PARP8: variants seen among roughly 807,000 people sequenced by gnomAD.
PARP8 encodes the protein protein mono-ADP-ribosyltransferase PARP8.
A neutral mutation model predicts 124.1 loss-of-function variants in PARP8; 51 were observed. That is an observed-to-expected ratio of 0.41 (90% CI 0.33 to 0.52). The LOEUF is 0.52. PARP8 is among the 20% of genes least tolerant of loss of function. The pLI, the probability that PARP8 is intolerant of heterozygous loss-of-function variation, is 0.21. For missense variants in PARP8, 860 were observed against 1,018.9 expected (o/e 0.84, Z 2.12); for synonymous variants, 391 against 361.5 (o/e 1.08, Z -0.93).
At chr5:50,828,270 A>G (rs759967126) in intron 20 of PARP8, 42 bp from the exon 21 acceptor site, 11 of 1,560,180 alleles carry the variant, frequency 7.1e-6, no homozygotes, top group Non-Finnish European at 9.7e-6. Context: ...GAAGATAATT[A>G]ATTTTCTGGT....
intron 22 of PARP8, among the ~76,000 whole-genome samples, chr5:50,831,881 A>C (rs1357602540): frequency 6.6e-6 from 1 of 152,206 alleles, no homozygotes; most frequent in Non-Finnish European, 1.5e-5. Context: ...GAATCACTAC[A>C]GTAAGATGAC....
At chr5:50,749,221 A>G (rs1331598021) in intron 2 of PARP8, among the ~76,000 whole-genome samples, 4 of 152,156 alleles carry the variant, frequency 2.6e-5, no homozygotes, top group South Asian at 2.1e-4. Flanking sequence ...TCTGTCTTCT[A>G]TATGTTCCTT....
chr5:50,781,436 G>A (rs1050681780), intron 9 of PARP8, among the ~76,000 whole-genome samples: 1 of 152,154 alleles, frequency 6.6e-6, no homozygotes, highest in African/African-American at 2.4e-5. Context: ...TTGGAAATTA[G>A]TGTGATGTGT....
At chr5:50,826,608 A>G in intron 18 of PARP8, 147 bp from the exon 19 acceptor site, 1 of 1,038,054 alleles carries the variant, frequency 9.6e-7, no homozygotes. Context: ...TTCAGGAAAC[A>G]AACCTAAATT....
At chr5:50,747,163 G>GTTTTTTTTTTTTTTTTTTTTTTTTTCTTT (rs1211253892) in intron 2 of PARP8, among the ~76,000 whole-genome samples, 1 of 95,504 alleles carries the variant, frequency 1.0e-5, no homozygotes, top group Non-Finnish European at 2.0e-5. Context: ...TGTTTGTTTT[G>GTTTTTTTTTTTTTTTTTTTTTTTTTCTTT]TTTTTTTTTT....
chr5:50,748,216 T>A (rs1423641960), intron 2 of PARP8, among the ~76,000 whole-genome samples: 1 of 149,812 alleles, frequency 6.7e-6, no homozygotes, highest in Admixed American at 6.7e-5. Flanking sequence ...TGTGTGTACA[T>A]GCTATAGGGA....
intron 2 of PARP8, among the ~76,000 whole-genome samples, chr5:50,708,168 A>T (rs1317778953): frequency 6.6e-6 from 1 of 152,056 alleles, no homozygotes. Flanking sequence ...TAATTTTCCT[A>T]AATAGTCTAA....
chr5:50,800,973 G>T (rs570322125), intron 14 of PARP8, among the ~76,000 whole-genome samples: 1 of 151,718 alleles, frequency 6.6e-6, no homozygotes, highest in Admixed American at 6.6e-5. Context: ...GCCAAGGCTG[G>T]TCTTGAACTC....
chr5:50,744,585 G>A (rs948236892), intron 2 of PARP8: 48 of 498,320 alleles, frequency 9.6e-5, no homozygotes, highest in African/African-American at 9.1e-4. Context: ...TTTCAAAGTT[G>A]TGACTTTAAG....
intron 2 of PARP8, among the ~76,000 whole-genome samples, chr5:50,737,038 C>T (rs1307560621): frequency 2.6e-5 from 4 of 152,078 alleles, no homozygotes; most frequent in African/African-American, 9.7e-5. Flanking sequence ...AAACTCTCTC[C>T]ACCTGATTTT....
chr5:50,692,985 C>A (rs1752653729), intron 2 of PARP8, among the ~76,000 whole-genome samples: 1 of 152,014 alleles, frequency 6.6e-6, no homozygotes, highest in East Asian at 1.9e-4. Context: ...GAAAGGAGTT[C>A]TTAAAATTTT....
chr5:50,774,337 C>T lies in PARP8; in HGVS notation c.519-3732C>T, dbSNP rs188418128. ...CACCATCGTCATCATGGCCCGTTCT[C>T]GATGGTCACTGTCTCTTCGGAGCTG... On this transcript the variant is annotated intron_variant, in intron 7 of 25. Transcript: ENST00000281631. Among the ~76,000 whole-genome samples the T allele has an allele frequency of 3.1e-3, 479 of 152,274 alleles. 1 individual carries two copies. Among genetic ancestry groups the T allele is most frequent in the Non-Finnish European group, 5.3e-3 (359 of 68,026 alleles).
chr5:50,723,181 ATT>A (rs1393563644), intron 2 of PARP8, among the ~76,000 whole-genome samples: 1 of 152,142 alleles, frequency 6.6e-6, no homozygotes, highest in East Asian at 1.9e-4. Flanking sequence ...TGAATGATAA[ATT>A]TTTGATAAAT....
chr5:50,712,915 T>C (rs1754921767), intron 2 of PARP8, among the ~76,000 whole-genome samples: 1 of 151,828 alleles, frequency 6.6e-6, no homozygotes, highest in Non-Finnish European at 1.5e-5. Context: ...TTTTTATTTA[T>C]GTTAGTGGCA....
At chr5:50,809,716 T>TA (rs1437232369) in intron 14 of PARP8, among the ~76,000 whole-genome samples, 1 of 152,052 alleles carries the variant, frequency 6.6e-6, no homozygotes, top group East Asian at 1.9e-4. Context: ...TTATCTGTTT[T>TA]GTATATTGGA....
At position 50,753,184 on chromosome 5, in the gene PARP8, C is replaced by T. The variant is rs184318091; in HGVS notation, c.184+2996C>T. ...CAATAGTTGTGTATATTACAAGTCACAGGTTGGCTCTACTATAATGGCAGA... is the reference window on the plus strand; with the variant it reads ...CAATAGTTGTGTATATTACAAGTCATAGGTTGGCTCTACTATAATGGCAGA... On this transcript the variant is annotated intron_variant, in intron 3 of 25. Coordinates refer to ENST00000281631, the MANE Select transcript of PARP8 (RefSeq NM_024615.4). 4.6e-5 allele frequency among the ~76,000 whole-genome samples: 7 copies of T among 151,972 alleles called. No homozygotes were observed. In the East Asian group the frequency reaches 1.4e-3, roughly 29 times the overall value.
intron 9 of PARP8, among the ~76,000 whole-genome samples, chr5:50,781,629 T>C (rs1180437756): frequency 6.6e-6 from 1 of 152,224 alleles, no homozygotes; most frequent in Non-Finnish European, 1.5e-5. Flanking sequence ...CACCCTTGGC[T>C]GCTAACAGCT....
At chr5:50,675,791 G>T (rs1285930251) in intron 2 of PARP8, among the ~76,000 whole-genome samples, 1 of 151,126 alleles carries the variant, frequency 6.6e-6, no homozygotes, top group Non-Finnish European at 1.5e-5. Flanking sequence ...AAACAAACCA[G>T]GAAAAAAAAA....
At chr5:50,733,628 T>G (rs1010232522) in intron 2 of PARP8, among the ~76,000 whole-genome samples, 2 of 152,178 alleles carry the variant, frequency 1.3e-5, no homozygotes, top group Admixed American at 1.3e-4. Flanking sequence ...GTTGAATAAT[T>G]TAGAAAATAG....
Sources: allele counts gnomAD v4.1 joint callset (sites outside exome capture counted in the v4.1 genomes callset), GRCh38; gene constraint gnomAD v4.1.1; transcripts MANE v1.5; gene names NCBI Gene and HGNC (gene_info 2026-07-23, HGNC 2026-07-21).